TSHZ2: variants seen among roughly 807,000 people sequenced by gnomAD.
TSHZ2 encodes the protein teashirt homolog 2.
Under a neutral mutation model 74.4 loss-of-function variants are expected in TSHZ2, and 21 were observed. The ratio of observed to expected loss-of-function variants is 0.28; its 90% confidence interval spans 0.20 to 0.41. The LOEUF is 0.41. Among genes scored for constraint, TSHZ2 ranks in the 10% least tolerant of loss-of-function variants. The pLI is 1.00. For synonymous variants in TSHZ2, 540 were observed against 515.3 expected, an observed-to-expected ratio of 1.05 and a Z score of -0.65; for missense variants, 1,244 against 1,293.5, an observed-to-expected ratio of 0.96 and a Z score of 0.59.
At chr20:53,162,813 C>G (rs781738601) in intron 1 of TSHZ2, among the ~76,000 whole-genome samples, 4 of 152,026 alleles carry the variant, frequency 2.6e-5, no homozygotes, top group Non-Finnish European at 4.4e-5. Context: ...GTTTTCTTTA[C>G]AAAGCGGGGG....
At chr20:53,196,494 G>C (rs183337281) in intron 1 of TSHZ2, 6 of 151,414 alleles carry the variant, frequency 4.0e-5, no homozygotes, top group Non-Finnish European at 8.8e-5. Flanking sequence ...AACTCACCCC[G>C]ACCTCTTACT....
At position 52,981,260 on chromosome 20, in the gene TSHZ2, T is replaced by C. The variant is rs139993077; in HGVS notation, c.40+7927T>C. The stretch of plus-strand genomic sequence containing the variant: ...TTTAGCCCCGGGCAAGCTCTAGAGA[T>C]AAACCTTACTCTCCGGGTAAGAATG... On this transcript the variant is annotated intron_variant, in intron 1 of 2. Transcript: ENST00000371497. 5.5e-3 allele frequency among the ~76,000 whole-genome samples: 843 copies of C among 152,270 alleles called. 8 individuals are homozygous for C. The highest frequency in any genetic ancestry group is 0.019 in the African/African-American group (791 of 41,550).
At chr20:53,337,797 G>A (rs1341203883) in intron 2 of TSHZ2, among the ~76,000 whole-genome samples, 3 of 152,206 alleles carry the variant, frequency 2.0e-5, no homozygotes, top group Non-Finnish European at 4.4e-5. Context: ...GCCTTTTAAA[G>A]TGTTTAAGCT....
At chr20:53,335,025 G>A (rs1031096635) in intron 2 of TSHZ2, among the ~76,000 whole-genome samples, 10 of 152,326 alleles carry the variant, frequency 6.6e-5, no homozygotes, top group Admixed American at 6.5e-5. Flanking sequence ...AATAAACTAT[G>A]AGTAGGCACG....
intron 2 of TSHZ2, among the ~76,000 whole-genome samples, chr20:53,426,634 G>A (rs983047509): frequency 7.2e-5 from 11 of 152,220 alleles, no homozygotes; most frequent in East Asian, 3.9e-4. Context: ...GTTTCAGCGC[G>A]TTTTCTGCCC....
At chr20:53,367,675 A>ATTC (rs958264232) in intron 2 of TSHZ2, among the ~76,000 whole-genome samples, 1 of 151,742 alleles carries the variant, frequency 6.6e-6, no homozygotes, top group African/African-American at 2.4e-5. Flanking sequence ...GGTTCAAGCC[A>ATTC]TTCTCCTGCC....
intron 1 of TSHZ2, among the ~76,000 whole-genome samples, chr20:53,228,376 T>A (rs1285469299): frequency 1.3e-5 from 2 of 152,250 alleles, no homozygotes; most frequent in African/African-American, 4.8e-5. Flanking sequence ...CTGTGTTTTC[T>A]GCTCAGGTTG....
At chr20:53,203,086 T>TATATAATCTCCTTATATA (rs1816655091) in intron 1 of TSHZ2, among the ~76,000 whole-genome samples, 1 of 152,206 alleles carries the variant, frequency 6.6e-6, no homozygotes, top group Admixed American at 6.5e-5. Flanking sequence ...TATATAACTT[T>TATATAATCTCCTTATATA]AGCTGCTCCC....
In TSHZ2 at chr20:53,255,866, C is replaced by A. The variant is rs1382371881; in HGVS notation, c.2408C>A (p.Pro803His). The A allele has an allele frequency of 1.7e-5, 27 of 1,612,274 alleles. No individual in the cohort carries two copies. The highest frequency in any genetic ancestry group is 2.2e-5 in the Non-Finnish European group (26 of 1,179,030). ...ATCGCCGACATGGTCAAAGTCCTCC[C>A]CAAAGCCACCACCCCAAAGCCAGCC... ...SDIADMVKVL[P>H]KATTPKPASS... Residue 803 changes from proline (P) to histidine (H), a missense_variant, in exon 2 of 3, where the codon CCC becomes CAC. This residue lies in a region of TSHZ2 where 562 missense variants were observed against 544.0 expected (regional missense o/e 1.03). Transcript: ENST00000371497. The surrounding 1 kb of genome is among the most constrained non-coding windows in gnomAD (Gnocchi z 4.1).
intron 1 of TSHZ2, among the ~76,000 whole-genome samples, chr20:52,996,749 T>A (rs1461116483): frequency 6.6e-6 from 1 of 152,204 alleles, no homozygotes; most frequent in Admixed American, 6.5e-5. Context: ...GAAGGAAACA[T>A]TGTATTGATG....
intron 1 of TSHZ2, among the ~76,000 whole-genome samples, chr20:53,231,603 T>A (rs1241154282): frequency 2.0e-5 from 3 of 152,214 alleles, no homozygotes; most frequent in African/African-American, 7.2e-5. Flanking sequence ...CCTTAGTCAT[T>A]CAACATATAT....
At chr20:52,993,328 C>T (rs182909620) in intron 1 of TSHZ2, among the ~76,000 whole-genome samples, 12 of 152,252 alleles carry the variant, frequency 7.9e-5, no homozygotes, top group Admixed American at 6.5e-4. Flanking sequence ...TAAAATATAA[C>T]GTATTCTTGC....
At position 53,219,885 on chromosome 20, in the gene TSHZ2, G is replaced by T. The variant is rs566099047; in HGVS notation, c.41-33614G>T. 6.1e-4 allele frequency among the ~76,000 whole-genome samples: 93 copies of T among 152,204 alleles called. 1 individual carries two copies. Among genetic ancestry groups the T allele is most frequent in the African/African-American group, 2.0e-3 (81 of 41,506 alleles). On this transcript the variant is annotated intron_variant, in intron 1 of 2. Coordinates refer to ENST00000371497, the MANE Select transcript of TSHZ2 (RefSeq NM_173485.6). ...TAAATATGTATGTGGATCCACATTT[G>T]GTTCAAATTTACCAGTTAGACACCT...
chr20:53,282,372 T>C (rs1027738124), intron 2 of TSHZ2, among the ~76,000 whole-genome samples: 2 of 152,230 alleles, frequency 1.3e-5, no homozygotes, highest in Non-Finnish European at 2.9e-5. Context: ...GGCTTAGCCT[T>C]TCATATGCAG....
At chr20:53,028,609 G>A (rs563217929) in intron 1 of TSHZ2, among the ~76,000 whole-genome samples, 6 of 152,274 alleles carry the variant, frequency 3.9e-5, no homozygotes, top group East Asian at 3.9e-4. Flanking sequence ...GCTTTTTGGC[G>A]GAGGTGGTGC....
Position 53,222,795 on chromosome 20 carries a change from A to T in TSHZ2, c.41-30704A>T, listed in dbSNP as rs1197620630. On this transcript the variant is annotated intron_variant, in intron 1 of 2. Transcript: ENST00000371497. ...TACAGACCCAGGTGGGATCCAATCA[A>T]ATAAATACATTAGAAGCCTATTTAA... 2.0e-5 allele frequency among the ~76,000 whole-genome samples: 3 copies of T among 152,242 alleles called. No individual in the cohort carries two copies. The South Asian group carries it at 6.2e-4, about 32-fold the overall frequency.
chr20:53,245,168 T>A (rs1990172520), intron 1 of TSHZ2, among the ~76,000 whole-genome samples: 1 of 152,206 alleles, frequency 6.6e-6, no homozygotes. Flanking sequence ...CTCTAAAGCA[T>A]CTTAAGAAGC....
intron 2 of TSHZ2, among the ~76,000 whole-genome samples, chr20:53,283,766 C>T (rs1991109915): frequency 6.6e-6 from 1 of 152,118 alleles, no homozygotes; most frequent in Non-Finnish European, 1.5e-5. Context: ...GGTCATCCTA[C>T]CCAGTCACAC....
intron 2 of TSHZ2, among the ~76,000 whole-genome samples, chr20:53,464,123 T>C (rs1006351738): frequency 6.6e-6 from 1 of 152,188 alleles, no homozygotes; most frequent in Non-Finnish European, 1.5e-5. Flanking sequence ...AGTTCACCTG[T>C]CTTCACCAAG....
Sources: allele counts gnomAD v4.1 joint callset (sites outside exome capture counted in the v4.1 genomes callset), GRCh38; gene constraint gnomAD v4.1.1; regional missense constraint gnomAD v4.1.1; non-coding constraint Gnocchi (gnomAD v3.1); transcripts MANE v1.5; gene names NCBI Gene and HGNC (gene_info 2026-07-23, HGNC 2026-07-21).